Variants in ALDOB observed in about 807,000 individuals in gnomAD.
The protein encoded by ALDOB is fructose-bisphosphate aldolase B.
A neutral mutation model predicts 41.0 loss-of-function variants in ALDOB; 39 were observed. The ratio of observed to expected loss-of-function variants is 0.95; its 90% confidence interval spans 0.74 to 1.24. ALDOB has a LOEUF of 1.24. Ranked by LOEUF, ALDOB falls within the 50% of genes most tolerant of loss-of-function variation. The pLI, the probability that ALDOB is intolerant of heterozygous loss-of-function variation, is 0.00. For missense variants in ALDOB, 530 were observed against 457.3 expected, an observed-to-expected ratio of 1.16 and a Z score of -1.45; for synonymous variants, 175 against 168.8, an observed-to-expected ratio of 1.04 and a Z score of -0.28.
At chr9:101,433,087 T>C (rs1298696240) in intron 1 of ALDOB, among the ~76,000 whole-genome samples, 1 of 152,254 alleles carries the variant, frequency 6.6e-6, no homozygotes, top group Non-Finnish European at 1.5e-5. Flanking sequence ...GTTGTCTCTT[T>C]GCCAGGTAAC....
At position 101,424,739 on chromosome 9, in the gene ALDOB, G is replaced by A. The variant is rs189942526; in HGVS notation, c.999+104C>T. 63 of 1,356,484 alleles carry A rather than the reference G, an allele frequency of 4.6e-5. No homozygotes were observed. In the Admixed American group the frequency reaches 4.7e-4, roughly 10 times the overall value. 84.0% of individuals were successfully genotyped at this position (1,356,484 alleles called of 1,614,324 possible). A position where few individuals can be genotyped will look rare whatever the true frequency, so the allele number is the denominator to read the frequency against. ...TTTCAAATGCCTAATAGACACTATC[G>A]GTAGATACCTTCTTGGCCCAAAGAA... On this transcript the variant is annotated intron_variant, in intron 8 of 8. Coordinates refer to ENST00000647789, the MANE Select transcript of ALDOB (RefSeq NM_000035.4).
intron 5 of ALDOB, among the ~76,000 whole-genome samples, chr9:101,427,062 G>A (rs925511327): frequency 6.6e-6 from 1 of 152,142 alleles, no homozygotes; most frequent in African/African-American, 2.4e-5. Flanking sequence ...GTATGTGTTG[G>A]AAACTTTAGC....
intron 8 of ALDOB, among the ~76,000 whole-genome samples, chr9:101,423,221 C>T (rs1214145242): frequency 4.6e-5 from 7 of 152,216 alleles, no homozygotes; most frequent in Admixed American, 4.6e-4. Context: ...CATCACCACA[C>T]TTCTGACTAC....
rs1289955534 is a variant in ALDOB, at chr9:101,425,744, A to G, written c.625-117T>C. 3 of 1,171,682 alleles carry G rather than the reference A, an allele frequency of 2.6e-6. No homozygotes were observed. The Admixed American group carries it at 5.6e-5, about 22-fold the overall frequency. 72.6% of individuals were successfully genotyped at this position (1,171,682 alleles called of 1,614,324 possible). ...AAGGAATTCTTATTTGTTGCTTGGC[A>G]AAAGCTTCTGAACCAATCTCCAGGC... is the stretch of plus-strand genomic sequence containing the variant. On this transcript the variant is annotated intron_variant, in intron 6 of 8. Transcript: ENST00000647789.
intron 4 of ALDOB, among the ~76,000 whole-genome samples, chr9:101,428,162 C>T (rs1015531483): frequency 5.3e-5 from 8 of 152,144 alleles, no homozygotes; most frequent in Admixed American, 1.3e-4. Flanking sequence ...ATAATACTTC[C>T]GGGTGCAGAG....
At chr9:101,426,128 T>A (rs1478825048) in intron 6 of ALDOB, among the ~76,000 whole-genome samples, 1 of 152,222 alleles carries the variant, frequency 6.6e-6, no homozygotes, top group African/African-American at 2.4e-5. Flanking sequence ...ACTCTCCTAC[T>A]TTCTCACAGT....
intron 7 of ALDOB, 103 bp downstream of exon 7, chr9:101,425,349 GT>G: frequency 2.2e-6 from 3 of 1,389,456 alleles, no homozygotes; most frequent in Non-Finnish European, 3.0e-6. Context: ...GATAACAGAG[GT>G]TTGTTTCATG....
intron 2 of ALDOB, 132 bp downstream of exon 2, chr9:101,430,644 A>T: frequency 1.4e-6 from 1 of 736,158 alleles, no homozygotes; most frequent in Non-Finnish European, 2.4e-6. Flanking sequence ...CTCTACGCTT[A>T]CTGAGTCTTC....
chr9:101,430,541 G>C (rs563814092), intron 2 of ALDOB, among the ~76,000 whole-genome samples: 2 of 152,256 alleles, frequency 1.3e-5, no homozygotes, highest in East Asian at 3.9e-4. Context: ...TTACTACAAG[G>C]CTGGATTCAA....
At chr9:101,427,345 A>C in intron 5 of ALDOB, 137 bp downstream of exon 5, 2 of 1,164,686 alleles carry the variant, frequency 1.7e-6, no homozygotes, top group Non-Finnish European at 2.4e-6. Flanking sequence ...GGCTATAGCA[A>C]AAGTTGTGAA....
intron 8 of ALDOB, among the ~76,000 whole-genome samples, chr9:101,424,376 G>A (rs1261848772): frequency 6.6e-6 from 1 of 152,134 alleles, no homozygotes; most frequent in African/African-American, 2.4e-5. Context: ...CCGAGATTGT[G>A]CCACTGTACT....
rs1831191065 is a variant in ALDOB at position 101,429,866 on chromosome 9, G to T, written c.213C>A (p.Asn71Lys). 1.9e-6 allele frequency: 3 copies of T among 1,614,026 alleles called. No individual in the cohort carries two copies. Among genetic ancestry groups the T allele is most frequent in the Non-Finnish European group, 1.7e-6 (2 of 1,180,044 alleles). The stretch of plus-strand genomic sequence containing the variant: ...AAAGGATCACACCCCCGATGCTCTG[G>T]TTGATGGAACTGTCCACAGAGAAGA... The part of the protein sequence containing the change: ...EILFSVDSSI[N>K]QSIGGVILFH... Residue 71 changes from asparagine to lysine, a missense_variant, in exon 3 of 9, where the codon AAC becomes AAA. Transcript: ENST00000647789.
rs752354866 is a variant in ALDOB at position 101,426,657 on chromosome 9, G to A, written c.541-19C>T. 1 of 1,494,642 alleles carries A rather than the reference G, an allele frequency of 6.7e-7. No individual in the cohort carries two copies. The highest frequency in any genetic ancestry group is 2.3e-5 in the East Asian group (1 of 44,290). 92.6% of individuals were successfully genotyped at this position (1,494,642 alleles called of 1,614,324 possible). A position where few individuals can be genotyped will look rare whatever the true frequency, so the allele number is the denominator to read the frequency against. On this transcript the variant is annotated intron_variant, in intron 5 of 8. Transcript: ENST00000647789. The stretch of plus-strand genomic sequence containing the variant: ...GTCCATTCTAAAAAGGAAAATCAAG[G>A]AAGCAAAAGTGAAGCTGTGCTCACT...
chr9:101,424,917 TG>T lies in ALDOB; in HGVS notation c.924del (p.Ser309ValfsTer21). 6.2e-7 allele frequency: 1 copy of T among 1,614,120 alleles called. No homozygotes were observed. Among genetic ancestry groups the T allele is most frequent in the Non-Finnish European group, 8.5e-7 (1 of 1,179,998 alleles). On this transcript the variant is annotated frameshift_variant, in exon 8 of 9. Transcript: ENST00000647789. LOFTEE classifies it high-confidence loss of function. The stretch of plus-strand genomic sequence containing the variant: ...TTGCCACCCCAGGCAGCCAGTGCAC[TG>T]GCCTGCAGGGCCCGTCCATAAGAGA... ...LSFSYGRALQ[A>X]SALAAWGGKA...
At chr9:101,429,314 C>T (rs932897291) in intron 3 of ALDOB, among the ~76,000 whole-genome samples, 3 of 151,916 alleles carry the variant, frequency 2.0e-5, no homozygotes, top group Non-Finnish European at 4.4e-5. Context: ...TGCACCAACA[C>T]ATCTGGCTAA....
In ALDOB at chr9:101,421,773, T is replaced by C; in HGVS notation, c.*36A>G. On this transcript the variant is annotated 3_prime_UTR_variant, in exon 9 of 9. Coordinates refer to ENST00000647789, the MANE Select transcript of ALDOB (RefSeq NM_000035.4). Reference sequence around the variant, plus strand: ...AGTTGCTCCCTTTCAGCCCTCCTACTAGAAGCACTGGAGCTAGGCTGGCGG... The same window carrying C: ...AGTTGCTCCCTTTCAGCCCTCCTACCAGAAGCACTGGAGCTAGGCTGGCGG... 1 of 1,580,604 alleles carries C rather than the reference T, an allele frequency of 6.3e-7. No individual in the cohort carries two copies. The highest frequency in any genetic ancestry group is 8.7e-7 in the Non-Finnish European group (1 of 1,150,016).
intron 8 of ALDOB, 43 bp downstream of exon 8, chr9:101,424,800 A>G: frequency 6.2e-7 from 1 of 1,608,044 alleles, no homozygotes; most frequent in Non-Finnish European, 8.5e-7. Context: ...TCAAGCCCCA[A>G]ATGTGAACAT....
rs1259375440 is a variant in ALDOB, at chr9:101,421,854, CCCAGAAGAA to C, written c.1041_1049del (p.Ser348_Gly350del). On this transcript the variant is annotated inframe_deletion, in exon 9 of 9. Coordinates refer to ENST00000647789, the MANE Select transcript of ALDOB (RefSeq NM_000035.4). Reference sequence around the variant, plus strand: ...TGAAGAGCGACTGGGTGGAAGCAGCCCCAGAAGAACCCGTGTGAACATACTGTCCTTTGG... The same window carrying C: ...TGAAGAGCGACTGGGTGGAAGCAGCCCCCGTGTGAACATACTGTCCTTTGG... 1.2e-6 allele frequency: 2 copies of C among 1,613,886 alleles called. No homozygotes were observed. The highest frequency in any genetic ancestry group is 1.7e-6 in the Non-Finnish European group (2 of 1,180,000).
rs1279118299 is a variant in ALDOB, at chr9:101,424,915, A to G, written c.927T>C (p.Ser309=). The part of the protein sequence containing the change: ...SFSYGRALQA[S]ALAAWGGKAA... ...CCTTGCCACCCCAGGCAGCCAGTGC[A>G]CTGGCCTGCAGGGCCCGTCCATAAG... The change falls in exon 8 of 9, where the codon AGT becomes AGC. Residue 309 remains serine, a synonymous_variant. Coordinates refer to ENST00000647789, the MANE Select transcript of ALDOB (RefSeq NM_000035.4). The G allele has an allele frequency of 1.9e-6, 3 of 1,614,138 alleles. No individual in the cohort carries two copies. The highest frequency in any genetic ancestry group is 2.5e-6 in the Non-Finnish European group (3 of 1,180,028).
Sources: gnomAD v4.1 joint callset for allele counts (sites outside exome capture counted in the v4.1 genomes callset) on GRCh38, gnomAD v4.1.1 for gene constraint, MANE v1.5 for transcripts, NCBI Gene and HGNC (gene_info 2026-07-23, HGNC 2026-07-21) for gene names.